The following ZNF469 variants were observed in gnomAD, a reference collection of about 807,000 sequenced individuals.
ZNF469 encodes the protein zinc finger protein 469.
A neutral mutation model predicts 1.0 loss-of-function variants in ZNF469; 1 was observed. The observed-to-expected ratio is 1.00, with a 90% CI of 0.35 to 4.73. The LOEUF (loss-of-function observed/expected upper bound fraction) is 4.73. Among genes scored for constraint, ZNF469 ranks in the 30% most tolerant of loss-of-function variants. The probability of loss-of-function intolerance (pLI) is 0.16; values close to 1 mark genes in which losing one functional copy is unlikely to be tolerated. For missense variants in ZNF469, 6,100 were observed against 5,356.3 expected, an observed-to-expected ratio of 1.14 and a Z score of -4.33; for synonymous variants, 2,703 against 2,363.4, an observed-to-expected ratio of 1.14 and a Z score of -4.17.
chr16:88,208,777 G>GCACACACACACACACA, the ZNF469 span, among the ~76,000 whole-genome samples: 437 of 129,918 alleles, frequency 3.4e-3, no homozygotes, highest in Admixed American at 5.5e-3. Flanking sequence ...GCGCGTGCGC[G>GCACACACACACACACA]CGCACACACA....
the ZNF469 span, among the ~76,000 whole-genome samples, chr16:88,124,530 C>T: frequency 6.6e-6 from 1 of 152,014 alleles, no homozygotes; most frequent in African/African-American, 2.4e-5. Context: ...GGCTGATTTC[C>T]TTTTTAATTT....
the ZNF469 span, among the ~76,000 whole-genome samples, chr16:88,285,744 G>A: frequency 4.6e-5 from 7 of 152,388 alleles, no homozygotes; most frequent in East Asian, 1.2e-3. Flanking sequence ...TCTGAGTGGT[G>A]GGCAGTGAGG....
chr16:88,193,066 A>G, the ZNF469 span, among the ~76,000 whole-genome samples: 142 of 46,064 alleles, frequency 3.1e-3, no homozygotes, highest in Middle Eastern at 0.019. Context: ...GATGGTGGTG[A>G]TGGTGGTGGT....
At chr16:88,103,121 T>C in the ZNF469 span, among the ~76,000 whole-genome samples, 1 of 152,256 alleles carries the variant, frequency 6.6e-6, no homozygotes, top group Admixed American at 6.5e-5. Context: ...GGCCGGTTTC[T>C]GGCGGACGCC....
At chr16:88,363,134 G>A in the ZNF469 span, among the ~76,000 whole-genome samples, 1 of 152,030 alleles carries the variant, frequency 6.6e-6, no homozygotes, top group African/African-American at 2.4e-5. Context: ...TTACAACCTT[G>A]AGCCTAGTAA....
At chr16:88,239,698 TATATATATATATATATA>T in the ZNF469 span, among the ~76,000 whole-genome samples, 128 of 6,782 alleles carry the variant, frequency 0.019, 4 homozygotes, top group South Asian at 0.068. Flanking sequence ...TATATATATA[TATATATATATATATATA>T]TTTTTTTTTT....
At chr16:88,395,040 G>A (rs984103943) in intron 1 of ZNF469, among the ~76,000 whole-genome samples, 1 of 152,212 alleles carries the variant, frequency 6.6e-6, no homozygotes, top group African/African-American at 2.4e-5. Context: ...TACAGCCTCA[G>A]GTTGGCTCAC....
rs1003126215 is a variant in ZNF469, at chr16:88,431,129, A to G, written c.3659A>G (p.Asp1220Gly). ...TCAGAGGAAACCCGCCCGTCGCTGG[A>G]CTTTCCCCAGGAGGCCAAGGAGCCT... The part of the protein sequence containing the change: ...ETSEETRPSL[D>G]FPQEAKEPET... The change falls in exon 3 of 3, where the codon GAC (aspartate) becomes GGC (glycine). Residue 1220 changes from aspartate to glycine, a missense_variant. Coordinates refer to ENST00000565624, the MANE Select transcript of ZNF469 (RefSeq NM_001367624.2). 8 of 1,549,940 alleles carry G rather than the reference A, an allele frequency of 5.2e-6. No homozygotes were observed. The highest frequency in any genetic ancestry group is 6.1e-6 in the Non-Finnish European group (7 of 1,146,926).
the ZNF469 span, among the ~76,000 whole-genome samples, chr16:88,239,100 G>T: frequency 7.8e-4 from 119 of 152,186 alleles, 2 homozygotes; most frequent in African/African-American, 2.8e-3. Flanking sequence ...TGGCTGTCTG[G>T]AGTCTGGGTC....
chr16:88,173,685 T>C, the ZNF469 span, among the ~76,000 whole-genome samples: 2 of 152,192 alleles, frequency 1.3e-5, no homozygotes, highest in Admixed American at 6.5e-5. Flanking sequence ...ATGACAATAA[T>C]AGCACAAAGA....
chr16:88,405,295 G>T (rs1904996782), intron 1 of ZNF469, among the ~76,000 whole-genome samples: 1 of 152,146 alleles, frequency 6.6e-6, no homozygotes, highest in Admixed American at 6.5e-5. Context: ...GTAGCCCCTG[G>T]GCTACCGCTG....
the ZNF469 span, among the ~76,000 whole-genome samples, chr16:88,329,723 C>T: frequency 6.3e-4 from 96 of 152,268 alleles, 2 homozygotes; most frequent in South Asian, 7.1e-3. Flanking sequence ...GGAAAGGGGA[C>T]GGGGGTCAAG....
At chr16:88,381,163 C>T (rs528826609), upstream of ZNF469, among the ~76,000 whole-genome samples, 25 of 144,850 alleles carry the variant, frequency 1.7e-4, no homozygotes, top group African/African-American at 4.2e-4. Flanking sequence ...CACACAGACA[C>T]GCCCTCACAC....
At chr16:88,313,885 T>A in the ZNF469 span, among the ~76,000 whole-genome samples, 5 of 149,802 alleles carry the variant, frequency 3.3e-5, no homozygotes, top group African/African-American at 1.2e-4. Context: ...TCTGTGATTA[T>A]GATGATGCTT....
intron 1 of ZNF469, among the ~76,000 whole-genome samples, chr16:88,417,450 G>A (rs976986370): frequency 4.6e-4 from 70 of 152,204 alleles, no homozygotes; most frequent in Non-Finnish European, 1.9e-4. Context: ...TCCACACCCT[G>A]GACGAGCCGT....
chr16:88,215,847 T>C, the ZNF469 span, among the ~76,000 whole-genome samples: 1 of 152,328 alleles, frequency 6.6e-6, no homozygotes, highest in African/African-American at 2.4e-5. Flanking sequence ...CGCTACTACT[T>C]TTATGTTTTT....
chr16:88,206,035 G>A, the ZNF469 span, among the ~76,000 whole-genome samples: 1 of 152,164 alleles, frequency 6.6e-6, no homozygotes, highest in African/African-American at 2.4e-5. Flanking sequence ...GCCCAGGCCT[G>A]CAGCCCCCAG....
the ZNF469 span, among the ~76,000 whole-genome samples, chr16:88,101,880 A>G: frequency 1.3e-5 from 2 of 152,174 alleles, no homozygotes; most frequent in Admixed American, 6.5e-5. Flanking sequence ...ACGTGTAGAC[A>G]TAACCAGAAA....
At chr16:88,317,291 G>A in the ZNF469 span, among the ~76,000 whole-genome samples, 7,230 of 152,266 alleles carry the variant, frequency 0.047, 560 homozygotes, top group African/African-American at 0.16. Context: ...CCTCTTCTCC[G>A]TGGAGCCTCC....
Sources: gnomAD v4.1 joint callset for allele counts (sites outside exome capture counted in the v4.1 genomes callset) on GRCh38, gnomAD v4.1.1 for gene constraint, MANE v1.5 for transcripts, NCBI Gene and HGNC (gene_info 2026-07-23, HGNC 2026-07-21) for gene names.